The following MED6 variants were observed in gnomAD, a reference collection of about 807,000 sequenced individuals.
The protein encoded by MED6 is mediator of RNA polymerase II transcription subunit 6.
MED6 carries 33 observed loss-of-function variants against 37.5 expected under a neutral mutation model. The ratio of observed to expected loss-of-function variants is 0.88; its 90% CI spans 0.67 to 1.18. The LOEUF is 1.18. Among genes scored for constraint, MED6 ranks in the 50% most tolerant of loss-of-function variants. The pLI, the probability that MED6 is intolerant of heterozygous loss-of-function variation, is 0.00. For synonymous variants in MED6, 94 were observed against 93.6 expected (o/e 1.00, Z -0.02); for missense variants, 235 against 290.6 (o/e 0.81, Z 1.39).
intron 1 of MED6, among the ~76,000 whole-genome samples, chr14:70,598,267 A>G (rs1236826892): frequency 6.6e-6 from 1 of 152,206 alleles, no homozygotes; most frequent in Non-Finnish European, 1.5e-5. Flanking sequence ...ATTGGACTCC[A>G]GCCTGAGCAA....
At chr14:70,596,398 G>A (rs1885047028) in intron 3 of MED6, 1 of 446,416 alleles carries the variant, frequency 2.2e-6, no homozygotes, top group East Asian at 3.4e-5. Flanking sequence ...GTACTAATCT[G>A]GCTGCGTACC....
intron 2 of MED6, among the ~76,000 whole-genome samples, chr14:70,597,359 A>C (rs143148512): frequency 2.0e-5 from 3 of 152,358 alleles, no homozygotes; most frequent in African/African-American, 7.2e-5. Context: ...GAATAACAGT[A>C]GCATTGCCAA....
intron 3 of MED6, among the ~76,000 whole-genome samples, chr14:70,593,761 C>G (rs1417872947): frequency 6.6e-6 from 1 of 152,158 alleles, no homozygotes; most frequent in Non-Finnish European, 1.5e-5. Context: ...CTAACGAGTT[C>G]CCAAAAGATG....
rs189002011 is a variant in MED6, at chr14:70,597,233, T to G, written c.182+385A>C. ...TTTAAAATATAACAGATATTTAATTTTATAAGCTCCTCCTCAATATGTAGC... is the reference window on the plus strand; with the variant it reads ...TTTAAAATATAACAGATATTTAATTGTATAAGCTCCTCCTCAATATGTAGC... On this transcript the variant is annotated intron_variant, in intron 2 of 7. Coordinates refer to ENST00000256379, the MANE Select transcript of MED6 (RefSeq NM_005466.4). 3.9e-5 allele frequency among the ~76,000 whole-genome samples: 6 copies of G among 152,326 alleles called. No individual in the cohort carries two copies. The East Asian group carries it at 7.7e-4, about 20-fold the overall frequency.
rs376156368 is a variant in MED6 at position 70,596,715 on chromosome 14, C to T, written c.183-13G>A. On this transcript the variant is annotated splice_polypyrimidine_tract_variant and intron_variant, in intron 2 of 7. Transcript: ENST00000256379. ...TCCAACCATCTGACTGAAAACAGAA[C>T]ACAGACATCCAAAGATCTATAAACG... The T allele has an allele frequency of 3.2e-6, 5 of 1,585,066 alleles. No homozygotes were observed. The African/African-American group carries it at 6.7e-5, about 21-fold the overall frequency.
chr14:70,585,891 T>C, intron 6 of MED6, 108 bp from the exon 7 acceptor site: 1 of 770,992 alleles, frequency 1.3e-6, no homozygotes, highest in African/African-American at 1.8e-5. Flanking sequence ...AATGAAAGCT[T>C]CATCCAAATT....
At chr14:70,593,058 A>G in intron 4 of MED6, 70 bp from the exon 5 acceptor site, 1 of 1,584,800 alleles carries the variant, frequency 6.3e-7, no homozygotes, top group Non-Finnish European at 8.6e-7. Context: ...AATACTCACA[A>G]AATATTACAT....
At chr14:70,594,691 T>C (rs1884989305) in intron 3 of MED6, 1 of 457,056 alleles carries the variant, frequency 2.2e-6, no homozygotes, top group African/African-American at 2.0e-5. Flanking sequence ...CAGATCTCCG[T>C]GTCCCGCTCC....
In MED6 at chr14:70,584,892, T is replaced by G; in HGVS notation, c.662A>C (p.Glu221Ala). ...AEPIPETVKP[E>A]EKETTKNVQQ... Reference sequence around the variant, plus strand: ...TACATTCTTTGTGGTCTCCTTCTCCTCAGGTTTTACAGTTTCTGGTATAGG... The same window carrying G: ...TACATTCTTTGTGGTCTCCTTCTCCGCAGGTTTTACAGTTTCTGGTATAGG... The change falls in exon 8 of 8, where the codon GAG becomes GCG. Residue 221 changes from glutamate (E) to alanine (A), a missense_variant. By Grantham distance (107) the Glu-to-Ala change is moderately radical (BLOSUM62 -1). Coordinates refer to ENST00000256379, the MANE Select transcript of MED6 (RefSeq NM_005466.4). The G allele has an allele frequency of 6.2e-7, 1 of 1,614,148 alleles. No homozygotes were observed. The highest frequency in any genetic ancestry group is 1.1e-5 in the South Asian group (1 of 91,088).
chr14:70,595,020 C>T (rs1884999617), intron 3 of MED6: 2 of 570,500 alleles, frequency 3.5e-6, no homozygotes, highest in East Asian at 4.5e-5. Flanking sequence ...TTCTGCAGAT[C>T]GACAATGCCC....
In MED6 at chr14:70,592,478, C is replaced by CTTTTTTTTTT. The variant is rs201036704; in HGVS notation, c.466+392_466+401dup. On this transcript the variant is annotated intron_variant, in intron 5 of 7. Coordinates refer to ENST00000256379, the MANE Select transcript of MED6 (RefSeq NM_005466.4). ...CCACACCACTGTCTCTCCTATGTTC[C>CTTTTTTTTTT]TTTTTTTTTTTTTTTTTTTTTTTTT... 2.0e-4 allele frequency: 18 copies of CTTTTTTTTTT among 88,856 alleles called. 2 individuals are homozygous for CTTTTTTTTTT. Among genetic ancestry groups the CTTTTTTTTTT allele is most frequent in the African/African-American group, 8.8e-4 (15 of 17,008 alleles). 5.5% of individuals were successfully genotyped at this position (88,856 alleles called of 1,614,324 possible). A position where few individuals can be genotyped will look rare whatever the true frequency, so the allele number is the denominator to read the frequency against.
intron 1 of MED6, among the ~76,000 whole-genome samples, chr14:70,598,792 T>C (rs183327145): frequency 6.6e-6 from 1 of 152,244 alleles, no homozygotes; most frequent in African/African-American, 2.4e-5. Context: ...TCAAATAACA[T>C]GTATGCCCAA....
rs1885060846 is a variant in MED6 at position 70,596,756 on chromosome 14, T to C, written c.183-54A>G. The C allele has an allele frequency of 1.2e-5, 14 of 1,210,704 alleles. No individual in the cohort carries two copies. The East Asian group carries it at 3.3e-4, about 29-fold the overall frequency. 75.0% of individuals were successfully genotyped at this position (1,210,704 alleles called of 1,614,324 possible). ...TCTATAAACGCCCTACAAATAATTT[T>C]ATAAGACATTCAAATTATTATATAA... is the stretch of plus-strand genomic sequence containing the variant. On this transcript the variant is annotated intron_variant, in intron 2 of 7. Transcript: ENST00000256379.
chr14:70,598,745 T>C (rs1342871594), intron 1 of MED6, among the ~76,000 whole-genome samples: 1 of 152,142 alleles, frequency 6.6e-6, no homozygotes, highest in Non-Finnish European at 1.5e-5. Flanking sequence ...TTTTTTTTTA[T>C]TGGAAATCCT....
At position 70,584,440 on chromosome 14, in the gene MED6, T is replaced by C. The variant is rs1196381729; in HGVS notation, c.*373A>G. ...CCCAAGCTGGAGTGCAACAGCATGA[T>C]AATCAGCTCAGGGCAACCTCCACCT... On this transcript the variant is annotated 3_prime_UTR_variant, in exon 8 of 8. Transcript: ENST00000256379. 2 of 343,750 alleles carry C rather than the reference T, an allele frequency of 5.8e-6. No homozygotes were observed. Among genetic ancestry groups the C allele is most frequent in the Non-Finnish European group, 1.1e-5 (2 of 189,768 alleles). The allele number at this position is 343,750 out of a possible 1,614,324, so 21.3% of individuals were successfully genotyped here.
chr14:70,586,131 A>G (rs1442335049), intron 6 of MED6, among the ~76,000 whole-genome samples: 1 of 152,194 alleles, frequency 6.6e-6, no homozygotes, highest in Non-Finnish European at 1.5e-5. Flanking sequence ...GGAAGAAATA[A>G]TAAGTCTTTC....
intron 5 of MED6, among the ~76,000 whole-genome samples, chr14:70,592,044 A>T (rs543943040): frequency 1.3e-5 from 2 of 152,366 alleles, no homozygotes; most frequent in Admixed American, 1.3e-4. Context: ...ATTTTAGTCA[A>T]CAAAGGCAAA....
At position 70,593,370 on chromosome 14, in the gene MED6, G is replaced by C. The variant is rs748133391; in HGVS notation, c.283C>G (p.Leu95Val). The C allele has an allele frequency of 1.2e-6, 2 of 1,612,820 alleles. No individual in the cohort carries two copies. Among genetic ancestry groups the C allele is most frequent in the East Asian group, 4.5e-5 (2 of 44,850 alleles). Residue 95 changes from leucine (L) to valine (V), a missense_variant, in exon 4 of 8, where the codon CTA becomes GTA. Coordinates refer to ENST00000256379, the MANE Select transcript of MED6 (RefSeq NM_005466.4). ...QRQSPAQVIP[L>V]ADYYIIAGVI... ...CCAGCAATGATATAGTAATCAGCTAGTGGGATAACTAAAACAGTGGGAAAA... is the reference window on the plus strand; with the variant it reads ...CCAGCAATGATATAGTAATCAGCTACTGGGATAACTAAAACAGTGGGAAAA...
chr14:70,585,734 A>C, intron 7 of MED6, 22 bp downstream of exon 7: 1 of 1,577,256 alleles, frequency 6.3e-7, no homozygotes, highest in South Asian at 1.2e-5. Context: ...CAAGCGTAAT[A>C]AGAATATTAC....
Sources: gnomAD v4.1 joint callset for allele counts (sites outside exome capture counted in the v4.1 genomes callset) on GRCh38, gnomAD v4.1.1 for gene constraint, MANE v1.5 for transcripts, NCBI Gene and HGNC (gene_info 2026-07-23, HGNC 2026-07-21) for gene names.